FOXN3: variants seen among roughly 807,000 people sequenced by gnomAD.
FOXN3 encodes forkhead box protein N3.
In FOXN3, 7 loss-of-function variants were observed where a neutral mutation model predicts 38.4. The observed-to-expected ratio is 0.18, with a 90% CI of 0.10 to 0.34. The LOEUF (loss-of-function observed/expected upper bound fraction) is 0.34, where lower values mean the gene tolerates loss of function less well. FOXN3 is among the 10% of genes least tolerant of loss of function. The pLI is 1.00. For synonymous variants in FOXN3, 230 were observed against 242.2 expected, an observed-to-expected ratio of 0.95 and a Z score of 0.47; for missense variants, 456 against 613.4, an observed-to-expected ratio of 0.74 and a Z score of 2.71.
chr14:89,609,525 G>A (rs1896348708), intron 1 of FOXN3, among the ~76,000 whole-genome samples: 1 of 152,164 alleles, frequency 6.6e-6, no homozygotes, highest in Admixed American at 6.5e-5. Flanking sequence ...CGTGCCAAGT[G>A]CTTTTCAGGG....
At chr14:89,448,479 C>G (rs1302413700) in intron 1 of FOXN3, among the ~76,000 whole-genome samples, 1 of 152,108 alleles carries the variant, frequency 6.6e-6, no homozygotes. Flanking sequence ...ACAAGGCACT[C>G]AGGATACAAA....
chr14:89,406,245 C>T (rs1891384636), intron 2 of FOXN3, among the ~76,000 whole-genome samples: 1 of 151,682 alleles, frequency 6.6e-6, no homozygotes, highest in African/African-American at 2.4e-5. Context: ...CAGTGCGCAG[C>T]CCTACAAAAA....
At chr14:89,498,210 C>CTCT (rs1566676030) in intron 1 of FOXN3, among the ~76,000 whole-genome samples, 1 of 81,072 alleles carries the variant, frequency 1.2e-5, no homozygotes, top group African/African-American at 5.8e-5. Context: ...CTCTCTCTCT[C>CTCT]TTTTTTTTTT....
chr14:89,592,173 A>G (rs1431477496), intron 1 of FOXN3, among the ~76,000 whole-genome samples: 1 of 152,208 alleles, frequency 6.6e-6, no homozygotes, highest in Non-Finnish European at 1.5e-5. Flanking sequence ...AAGTAAGGCA[A>G]TAAGACAAAA....
chr14:89,403,505 T>C (rs1891305395), intron 2 of FOXN3, among the ~76,000 whole-genome samples: 1 of 152,224 alleles, frequency 6.6e-6, no homozygotes, highest in South Asian at 2.1e-4. Flanking sequence ...CAGCCTAAAC[T>C]CATAACTTTC....
chr14:89,205,661 C>T (rs1176683641), intron 4 of FOXN3, among the ~76,000 whole-genome samples: 1 of 152,204 alleles, frequency 6.6e-6, no homozygotes, highest in Non-Finnish European at 1.5e-5. Context: ...CTTCTGGCTC[C>T]CCATCCACCT....
intron 2 of FOXN3, among the ~76,000 whole-genome samples, chr14:89,391,731 G>A (rs527399978): frequency 5.9e-5 from 9 of 152,234 alleles, no homozygotes; most frequent in South Asian, 2.1e-4. Context: ...CTGGCCGGGC[G>A]CGGTGGCTCA....
intron 4 of FOXN3, among the ~76,000 whole-genome samples, chr14:89,204,352 C>T (rs1446633697): frequency 2.0e-5 from 3 of 151,248 alleles, no homozygotes; most frequent in Non-Finnish European, 2.9e-5. Flanking sequence ...AAAGTGAATT[C>T]GGGGGCTGCT....
chr14:89,574,929 AAAGG>A (rs1381955886), intron 1 of FOXN3, among the ~76,000 whole-genome samples: 1 of 152,136 alleles, frequency 6.6e-6, no homozygotes, highest in Non-Finnish European at 1.5e-5. Context: ...CCTTTATAGG[AAAGG>A]AAGGGTGTAC....
chr14:89,619,067 T>A (rs982036657), exon 1 of FOXN3: 1 of 151,988 alleles, frequency 6.6e-6, no homozygotes, highest in Admixed American at 6.6e-5. Context: ...CGCGGCCGCA[T>A]TGGGGGGCTG....
chr14:89,234,512 G>T (rs1229622737), intron 4 of FOXN3, among the ~76,000 whole-genome samples: 1 of 152,036 alleles, frequency 6.6e-6, no homozygotes, highest in Non-Finnish European at 1.5e-5. Context: ...GATTAATTAG[G>T]GGGGCAGATC....
At chr14:89,521,245 C>T (rs902556534) in intron 1 of FOXN3, among the ~76,000 whole-genome samples, 6 of 151,666 alleles carry the variant, frequency 4.0e-5, no homozygotes, top group South Asian at 2.1e-4. Context: ...GGGAGTCAGA[C>T]GTTGCAGTGA....
At chr14:89,420,716 C>T (rs1029960636), upstream of FOXN3, among the ~76,000 whole-genome samples, 1 of 152,036 alleles carries the variant, frequency 6.6e-6, no homozygotes, top group Non-Finnish European at 1.5e-5. Flanking sequence ...CAGAGATAGA[C>T]GGTCTTTGTC....
intron 4 of FOXN3, among the ~76,000 whole-genome samples, chr14:89,233,810 C>T (rs1253678242): frequency 6.6e-6 from 1 of 152,226 alleles, no homozygotes; most frequent in African/African-American, 2.4e-5. Context: ...GATAGTTTAT[C>T]ATCTGTCAAG....
chr14:89,517,585 G>C (rs1237435370), intron 1 of FOXN3, among the ~76,000 whole-genome samples: 1 of 152,040 alleles, frequency 6.6e-6, no homozygotes, highest in Admixed American at 6.6e-5. Context: ...ACAAGAGCAC[G>C]GTCAAGAGGG....
At chr14:89,366,444 T>G (rs1890156733) in intron 2 of FOXN3, among the ~76,000 whole-genome samples, 1 of 152,104 alleles carries the variant, frequency 6.6e-6, no homozygotes, top group Admixed American at 6.5e-5. Flanking sequence ...ATAAGCAAAT[T>G]ACAAAGAGGA....
chr14:89,435,553 C>T (rs1426860342), intron 1 of FOXN3, among the ~76,000 whole-genome samples: 3 of 152,162 alleles, frequency 2.0e-5, no homozygotes, highest in Admixed American at 2.0e-4. Context: ...ACAGCCAAAG[C>T]ATTCGTTCCC....
At chr14:89,189,119 T>C (rs1887881511) in intron 4 of FOXN3, among the ~76,000 whole-genome samples, 1 of 152,180 alleles carries the variant, frequency 6.6e-6, no homozygotes, top group South Asian at 2.1e-4. Flanking sequence ...GCTGAATTTC[T>C]TGGGTCTTTT....
intron 1 of FOXN3, among the ~76,000 whole-genome samples, chr14:89,584,461 G>A (rs1175297216): frequency 6.6e-6 from 1 of 152,094 alleles, no homozygotes; most frequent in Non-Finnish European, 1.5e-5. Flanking sequence ...AGCACAAAAC[G>A]TACAATGACT....
Sources: gnomAD v4.1 joint callset for allele counts (sites outside exome capture counted in the v4.1 genomes callset) on GRCh38, gnomAD v4.1.1 for gene constraint, MANE v1.5 for transcripts, NCBI Gene and HGNC (gene_info 2026-07-23, HGNC 2026-07-21) for gene names.